Variants in PTPRG observed in about 807,000 individuals in gnomAD.
PTPRG encodes receptor-type tyrosine-protein phosphatase gamma.
In PTPRG, 102 loss-of-function variants were observed where a neutral mutation model predicts 165.3. The ratio of observed to expected loss-of-function variants is 0.62; its 90% CI spans 0.53 to 0.73. The LOEUF (loss-of-function observed/expected upper bound fraction) is 0.73. Among genes scored for constraint, PTPRG ranks in the 30% least tolerant of loss-of-function variants. The probability of loss-of-function intolerance (pLI) is 0.00; values close to 1 mark genes in which losing one functional copy is unlikely to be tolerated. For synonymous variants in PTPRG, 675 were observed against 669.5 expected (o/e 1.01, Z -0.13); for missense variants, 1,866 against 1,861.4 (o/e 1.00, Z -0.05).
chr3:61,934,758 G>A (rs1008151800), intron 2 of PTPRG, among the ~76,000 whole-genome samples: 3 of 152,172 alleles, frequency 2.0e-5, no homozygotes, highest in Admixed American at 6.5e-5. Context: ...GCTGGGACAT[G>A]TAGTCTTAAA....
intron 4 of PTPRG, among the ~76,000 whole-genome samples, chr3:62,077,742 G>T (rs900211007): frequency 6.6e-6 from 1 of 152,104 alleles, no homozygotes; most frequent in Non-Finnish European, 1.5e-5. Context: ...GGTGGCTCAT[G>T]CCTGTAATCC....
intron 1 of PTPRG, among the ~76,000 whole-genome samples, chr3:61,683,856 G>A (rs992150378): frequency 2.0e-5 from 3 of 152,190 alleles, no homozygotes; most frequent in Non-Finnish European, 4.4e-5. Flanking sequence ...CCTCCCATTC[G>A]AGTCTAGGCG....
chr3:61,923,643 G>A (rs1339087430), intron 2 of PTPRG, among the ~76,000 whole-genome samples: 2 of 141,620 alleles, frequency 1.4e-5, no homozygotes, highest in Admixed American at 7.5e-5. Context: ...ACCTATGAGC[G>A]AGAACAGTTC....
intron 2 of PTPRG, among the ~76,000 whole-genome samples, chr3:61,816,313 T>G (rs1267497231): frequency 6.6e-6 from 1 of 152,168 alleles, no homozygotes; most frequent in East Asian, 1.9e-4. Flanking sequence ...GCAGATCACT[T>G]GAGGTTAGGA....
chr3:62,058,085 A>G (rs982932885), intron 4 of PTPRG, among the ~76,000 whole-genome samples: 7 of 152,222 alleles, frequency 4.6e-5, no homozygotes, highest in South Asian at 2.1e-4. Flanking sequence ...AAAACACAGC[A>G]GTGCTAGTAT....
intron 2 of PTPRG, among the ~76,000 whole-genome samples, chr3:61,836,677 G>A (rs1340331349): frequency 2.0e-5 from 3 of 152,180 alleles, no homozygotes; most frequent in Non-Finnish European, 4.4e-5. Context: ...TGCTGAAGAT[G>A]ATGCAGTTTG....
Position 62,282,378 on chromosome 3 carries a change from A to G in PTPRG, c.3913-349A>G, listed in dbSNP as rs191100425. On this transcript the variant is annotated intron_variant, in intron 27 of 29. Transcript: ENST00000474889. Reference sequence around the variant, plus strand: ...AGCAAAGACTATAGGCATGTACCATATGACTAGTTAATTTTTTTTTTTTTT... The same window carrying G: ...AGCAAAGACTATAGGCATGTACCATGTGACTAGTTAATTTTTTTTTTTTTT... 5.1e-3 allele frequency among the ~76,000 whole-genome samples: 770 copies of G among 151,220 alleles called. 2 individuals are homozygous for G. The highest frequency in any genetic ancestry group is 7.1e-3 in the Admixed American group (107 of 15,152).
chr3:61,773,467 G>A (rs982577868), intron 2 of PTPRG, among the ~76,000 whole-genome samples: 5 of 152,134 alleles, frequency 3.3e-5, no homozygotes, highest in African/African-American at 9.7e-5. Context: ...TTGGAAGATC[G>A]ATACATGTGG....
At chr3:61,565,955 C>T (rs1364681723) in intron 1 of PTPRG, among the ~76,000 whole-genome samples, 1 of 151,942 alleles carries the variant, frequency 6.6e-6, no homozygotes, top group East Asian at 1.9e-4. Context: ...TTTCCCTCTC[C>T]CTCATGTATC....
intron 8 of PTPRG, among the ~76,000 whole-genome samples, chr3:62,188,041 G>A (rs533086092): frequency 6.6e-6 from 1 of 152,148 alleles, no homozygotes; most frequent in Non-Finnish European, 1.5e-5. Flanking sequence ...TTATTGACGA[G>A]GAAATATACC....
intron 5 of PTPRG, among the ~76,000 whole-genome samples, chr3:62,125,652 T>C (rs1467957296): frequency 1.3e-5 from 2 of 152,052 alleles, no homozygotes; most frequent in African/African-American, 2.4e-5. Flanking sequence ...TAAGCTCCTT[T>C]TGCCCCAGGC....
At chr3:61,646,711 T>C (rs921265854) in intron 1 of PTPRG, among the ~76,000 whole-genome samples, 3 of 152,220 alleles carry the variant, frequency 2.0e-5, no homozygotes, top group South Asian at 2.1e-4. Context: ...TTTTTTCATA[T>C]GTGTAGATTT....
chr3:61,912,713 T>C (rs186573639), intron 2 of PTPRG, among the ~76,000 whole-genome samples: 25 of 152,272 alleles, frequency 1.6e-4, no homozygotes, highest in Non-Finnish European at 3.1e-4. Flanking sequence ...ATTTGGGAGG[T>C]TGGCATTTCT....
At chr3:61,834,891 A>G (rs1296242435) in intron 2 of PTPRG, among the ~76,000 whole-genome samples, 1 of 152,202 alleles carries the variant, frequency 6.6e-6, no homozygotes, top group Non-Finnish European at 1.5e-5. Context: ...TAAGGCAAAC[A>G]TATTGGGAAT....
At chr3:62,033,340 A>C (rs1197911856) in intron 4 of PTPRG, among the ~76,000 whole-genome samples, 7 of 141,944 alleles carry the variant, frequency 4.9e-5, no homozygotes, top group Middle Eastern at 3.8e-3. Context: ...CCTGGTATCT[A>C]CTCTCAACTG....
Position 61,755,112 on chromosome 3 carries a change from A to G in PTPRG, c.190+6130A>G, listed in dbSNP as rs182541270. Among the ~76,000 whole-genome samples the G allele has an allele frequency of 2.0e-3, 299 of 152,100 alleles. 1 individual carries two copies. Among genetic ancestry groups the G allele is most frequent in the African/African-American group, 6.5e-3 (269 of 41,478 alleles). ...AACCTCCGCCTCCTGGGTTCAAGCTATTCTCCTGCCTGCACCTCCTGAGTG... is the reference window on the plus strand; with the variant it reads ...AACCTCCGCCTCCTGGGTTCAAGCTGTTCTCCTGCCTGCACCTCCTGAGTG... On this transcript the variant is annotated intron_variant, in intron 2 of 29. Coordinates refer to ENST00000474889, the MANE Select transcript of PTPRG (RefSeq NM_002841.4).
intron 2 of PTPRG, among the ~76,000 whole-genome samples, chr3:61,976,684 T>A (rs56144958): frequency 0.082 from 12,391 of 151,692 alleles, 648 homozygotes; most frequent in Middle Eastern, 0.14. Context: ...TTTTAAAAAA[T>A]TTTTTTTTGA....
intron 4 of PTPRG, among the ~76,000 whole-genome samples, chr3:62,048,074 C>T (rs1275423415): frequency 6.6e-6 from 1 of 152,058 alleles, no homozygotes; most frequent in Non-Finnish European, 1.5e-5. Context: ...AGACAATTAC[C>T]TCTGCAAGCT....
intron 2 of PTPRG, among the ~76,000 whole-genome samples, chr3:61,920,679 C>T (rs1289499925): frequency 6.6e-6 from 1 of 152,210 alleles, no homozygotes; most frequent in Non-Finnish European, 1.5e-5. Flanking sequence ...CAGGCGTGAG[C>T]CACTGCGCCT....
Sources: gnomAD v4.1 joint callset for allele counts (sites outside exome capture counted in the v4.1 genomes callset) on GRCh38, gnomAD v4.1.1 for gene constraint, MANE v1.5 for transcripts, NCBI Gene and HGNC (gene_info 2026-07-23, HGNC 2026-07-21) for gene names.